The following DOCK4 variants were observed in gnomAD, a reference collection of about 807,000 sequenced individuals.
DOCK4 encodes dedicator of cytokinesis protein 4.
In DOCK4, 97 loss-of-function variants were observed where a neutral mutation model predicts 268.1. The observed-to-expected ratio is 0.36, with a 90% CI of 0.31 to 0.43. DOCK4 has a LOEUF of 0.43. Among genes scored for constraint, DOCK4 ranks in the 20% least tolerant of loss-of-function variants. The pLI, the probability that DOCK4 is intolerant of heterozygous loss-of-function variation, is 1.00. For synonymous variants in DOCK4, 954 were observed against 887.2 expected (o/e 1.08, Z -1.34); for missense variants, 2,145 against 2,455.7 (o/e 0.87, Z 2.67).
At chr7:111,778,842 G>A (rs536584041) in intron 35 of DOCK4, among the ~76,000 whole-genome samples, 4 of 152,084 alleles carry the variant, frequency 2.6e-5, no homozygotes, top group Non-Finnish European at 5.9e-5. Flanking sequence ...AGATCACGAG[G>A]TCAAGAGATT....
intron 50 of DOCK4, 74 bp from the exon 51 acceptor site, chr7:111,735,241 G>T: frequency 9.9e-7 from 1 of 1,008,756 alleles, no homozygotes; most frequent in South Asian, 1.8e-5. Context: ...TTAGAAGAAA[G>T]TCAGAATTAT....
intron 1 of DOCK4, among the ~76,000 whole-genome samples, chr7:112,136,082 G>A (rs1353024761): frequency 6.6e-6 from 1 of 152,168 alleles, no homozygotes; most frequent in Non-Finnish European, 1.5e-5. Flanking sequence ...CAAAGATGCA[G>A]TGAAAATTAA....
At chr7:112,196,039 T>G (rs566394785) in intron 1 of DOCK4, among the ~76,000 whole-genome samples, 1 of 152,190 alleles carries the variant, frequency 6.6e-6, no homozygotes. Context: ...GAAACAGCCA[T>G]GTTTTCGTTC....
At chr7:111,973,676 CTT>C (rs72147258) in intron 8 of DOCK4, among the ~76,000 whole-genome samples, 19,496 of 145,140 alleles carry the variant, frequency 0.13, 1,311 homozygotes, top group Middle Eastern at 0.19. Context: ...TTTAGAGTTC[CTT>C]TTTTTTTTTT....
At chr7:112,119,697 G>A (rs1205852825) in intron 1 of DOCK4, among the ~76,000 whole-genome samples, 1 of 152,084 alleles carries the variant, frequency 6.6e-6, no homozygotes, top group Non-Finnish European at 1.5e-5. Flanking sequence ...TGTGGCCTTG[G>A]GGAACTCACT....
chr7:111,859,636 C>A (rs113639976), intron 23 of DOCK4, among the ~76,000 whole-genome samples: 2 of 142,478 alleles, frequency 1.4e-5, no homozygotes, highest in African/African-American at 2.6e-5. Context: ...GGCGGGATCT[C>A]GGCTCACTGC....
rs1464365002 is a variant in DOCK4 at position 111,741,582 on chromosome 7, G to A, written c.4877C>T (p.Ala1626Val). 3 of 1,613,486 alleles carry A rather than the reference G, an allele frequency of 1.9e-6. No homozygotes were observed. Among genetic ancestry groups the A allele is most frequent in the South Asian group, 2.2e-5 (2 of 90,982 alleles). The stretch of plus-strand genomic sequence containing the variant: ...CCTGGTACCATCTGGGCTCACAGAA[G>A]CAGGTGCTGAGTTTCTACACACACG... Reference protein sequence around the residue: ...SPRVCRNSAPASVSPDGTRVI... With the variant: ...SPRVCRNSAPVSVSPDGTRVI... Residue 1626 changes from alanine to valine, a missense_variant, in exon 46 of 53, where the codon GCT becomes GTT. Coordinates refer to ENST00000428084, the MANE Select transcript of DOCK4 (RefSeq NM_001363540.2).
At chr7:112,180,394 A>G (rs189493064) in intron 1 of DOCK4, among the ~76,000 whole-genome samples, 1 of 152,282 alleles carries the variant, frequency 6.6e-6, no homozygotes, top group East Asian at 1.9e-4. Flanking sequence ...TTTTACCCCG[A>G]CAGGTCCACA....
chr7:112,130,426 C>T (rs932589405), intron 1 of DOCK4, among the ~76,000 whole-genome samples: 2 of 152,206 alleles, frequency 1.3e-5, no homozygotes, highest in African/African-American at 4.8e-5. Context: ...TTCTCTTCCT[C>T]ACATGAATGT....
At chr7:111,775,791 A>G (rs1798405785) in intron 36 of DOCK4, among the ~76,000 whole-genome samples, 1 of 152,144 alleles carries the variant, frequency 6.6e-6, no homozygotes, top group South Asian at 2.1e-4. Flanking sequence ...AGTGCCTTCT[A>G]TCAGTTCTTT....
chr7:111,933,358 G>A (rs373777657), intron 12 of DOCK4, among the ~76,000 whole-genome samples: 9 of 143,516 alleles, frequency 6.3e-5, no homozygotes, highest in African/African-American at 2.1e-4. Context: ...GCAGTGGTGC[G>A]ATCTTGGCTC....
intron 1 of DOCK4, among the ~76,000 whole-genome samples, chr7:112,165,802 C>T (rs918259764): frequency 5.3e-5 from 8 of 152,004 alleles, no homozygotes. Flanking sequence ...TAAATGAGAA[C>T]ACCTAGGAAT....
intron 13 of DOCK4, among the ~76,000 whole-genome samples, chr7:111,902,747 A>ATACTGTTTT (rs1791244283): frequency 6.6e-6 from 1 of 152,072 alleles, no homozygotes; most frequent in Non-Finnish European, 1.5e-5. Flanking sequence ...ATCAAAAGTA[A>ATACTGTTTT]TACTGTTTTC....
chr7:112,118,530 A>C lies in DOCK4; in HGVS notation c.37+87572T>G, dbSNP rs111311125. Among the ~76,000 whole-genome samples, 631 of 152,342 alleles carry C rather than the reference A, an allele frequency of 4.1e-3. 6 individuals carry two copies. The highest frequency in any genetic ancestry group is 0.015 in the African/African-American group (605 of 41,578). On this transcript the variant is annotated intron_variant, in intron 1 of 52. Transcript: ENST00000428084. ...TATAAATATAGAGTAACTAATACTC[A>C]ATGACTCTATATAGAAACCATTGCC...
intron 1 of DOCK4, among the ~76,000 whole-genome samples, chr7:112,065,206 A>G (rs1156812342): frequency 6.6e-6 from 1 of 152,012 alleles, no homozygotes; most frequent in East Asian, 1.9e-4. Context: ...CTCTAACCAC[A>G]TTCCAGACTC....
chr7:112,101,672 T>G (rs1810688020), intron 1 of DOCK4, among the ~76,000 whole-genome samples: 1 of 152,204 alleles, frequency 6.6e-6, no homozygotes, highest in Non-Finnish European at 1.5e-5. Flanking sequence ...TCTCTCAAGC[T>G]GGCACATAGA....
intron 39 of DOCK4, among the ~76,000 whole-genome samples, chr7:111,761,774 C>CTAAA (rs888459797): frequency 6.6e-6 from 1 of 152,106 alleles, no homozygotes; most frequent in African/African-American, 2.4e-5. Flanking sequence ...CCACAAACCC[C>CTAAA]TAAATATATC....
chr7:112,147,188 T>C (rs899326071), intron 1 of DOCK4, among the ~76,000 whole-genome samples: 1 of 152,216 alleles, frequency 6.6e-6, no homozygotes, highest in African/African-American at 2.4e-5. Flanking sequence ...TTCAGCATTG[T>C]CATTAGAAAT....
At chr7:111,858,659 C>T (rs1805216732) in intron 23 of DOCK4, among the ~76,000 whole-genome samples, 1 of 152,214 alleles carries the variant, frequency 6.6e-6, no homozygotes, top group African/African-American at 2.4e-5. Context: ...TGGTCTCAGA[C>T]TGAAACTATA....
Sources: allele counts gnomAD v4.1 joint callset (sites outside exome capture counted in the v4.1 genomes callset), GRCh38; gene constraint gnomAD v4.1.1; transcripts MANE v1.5; gene names NCBI Gene and HGNC (gene_info 2026-07-23, HGNC 2026-07-21).